The following TRAF3 variants were observed in gnomAD, a reference collection of about 807,000 sequenced individuals.
TRAF3 encodes TNF receptor associated factor 3, also known as TNF receptor-associated factor 3.
Under a neutral mutation model 62.3 loss-of-function variants are expected in TRAF3, and 13 were observed. The observed-to-expected ratio is 0.21, with a 90% CI of 0.14 to 0.33. TRAF3 has a LOEUF of 0.33. Among genes scored for constraint, TRAF3 ranks in the 10% least tolerant of loss-of-function variants. The pLI is 1.00. For missense variants in TRAF3, 440 were observed against 741.8 expected (o/e 0.59, Z 4.73); for synonymous variants, 269 against 283.4 (o/e 0.95, Z 0.51).
intron 10 of TRAF3, among the ~76,000 whole-genome samples, chr14:102,902,114 C>T (rs1890334107): frequency 6.6e-6 from 1 of 152,252 alleles, no homozygotes; most frequent in South Asian, 2.1e-4. Flanking sequence ...ATATGAGCAG[C>T]CTGTGTGTTT....
intron 4 of TRAF3, among the ~76,000 whole-genome samples, chr14:102,872,440 C>T (rs1697654461): frequency 6.6e-6 from 1 of 152,220 alleles, no homozygotes; most frequent in Admixed American, 6.5e-5. Context: ...CCCAGGCCCC[C>T]TGTGATATCT....
intron 2 of TRAF3, among the ~76,000 whole-genome samples, chr14:102,854,945 A>T (rs1261183030): frequency 6.6e-6 from 1 of 151,872 alleles, no homozygotes; most frequent in Non-Finnish European, 1.5e-5. Context: ...GTTCCAACAC[A>T]TTTTTTTCGT....
chr14:102,905,221 G>C lies in TRAF3; in HGVS notation c.1144G>C (p.Glu382Gln). ...GQVARNTGLLESQLSRHDQML... is the reference protein window; with the variant it reads ...GQVARNTGLLQSQLSRHDQML... The stretch of plus-strand genomic sequence containing the variant: ...CTCCTCACCTGTGGCAGGCCTGCTG[G>C]AGTCCCAGCTGAGCCGGCATGACCA... Residue 382 changes from glutamate (E) to glutamine (Q), a missense_variant, in exon 12 of 12, where the codon GAG becomes CAG. Glu to Gln is a conservative substitution (Grantham distance 29). This residue lies in a region of TRAF3 where 41 missense variants were observed against 40.0 expected (regional missense o/e 1.03). Coordinates refer to ENST00000392745, the MANE Select transcript of TRAF3 (RefSeq NM_145725.3). The C allele has an allele frequency of 6.2e-7, 1 of 1,613,560 alleles. No homozygotes were observed. The highest frequency in any genetic ancestry group is 1.1e-5 in the South Asian group (1 of 91,076).
At chr14:102,809,723 G>A (rs1899009251) in intron 1 of TRAF3, among the ~76,000 whole-genome samples, 1 of 151,186 alleles carries the variant, frequency 6.6e-6, no homozygotes, top group Non-Finnish European at 1.5e-5. Context: ...GTAGAGATGG[G>A]GTTTCACCAT....
chr14:102,799,314 C>T (rs907531647), intron 1 of TRAF3, among the ~76,000 whole-genome samples: 2 of 152,180 alleles, frequency 1.3e-5, no homozygotes, highest in African/African-American at 4.8e-5. Context: ...ATGTTCTTTT[C>T]CATCTTAGCA....
intron 9 of TRAF3, among the ~76,000 whole-genome samples, chr14:102,896,931 A>G (rs1003126075): frequency 6.6e-6 from 1 of 152,130 alleles, no homozygotes; most frequent in South Asian, 2.1e-4. Context: ...CTAACCAGAC[A>G]TGGTGGTGGC....
chr14:102,838,580 T>A (rs1343127833), intron 2 of TRAF3, among the ~76,000 whole-genome samples: 1 of 152,192 alleles, frequency 6.6e-6, no homozygotes, highest in Non-Finnish European at 1.5e-5. Context: ...AGTCTAGTGA[T>A]AAATAGTAGT....
At chr14:102,824,181 TACAG>T (rs1387419076) in intron 1 of TRAF3, among the ~76,000 whole-genome samples, 1 of 152,230 alleles carries the variant, frequency 6.6e-6, no homozygotes, top group Non-Finnish European at 1.5e-5. Flanking sequence ...TTTATGTTTG[TACAG>T]ACAGTTTGCT....
intron 2 of TRAF3, among the ~76,000 whole-genome samples, chr14:102,856,262 G>C (rs1887363393): frequency 1.3e-5 from 2 of 152,142 alleles, no homozygotes; most frequent in Admixed American, 1.3e-4. Context: ...TTGCCACTCA[G>C]CTGCTTATAC....
At chr14:102,820,548 T>C (rs2139572668) in intron 1 of TRAF3, among the ~76,000 whole-genome samples, 1 of 136,962 alleles carries the variant, frequency 7.3e-6, no homozygotes, top group African/African-American at 2.7e-5. Context: ...TTTAAAAATT[T>C]ATTTGCTTTC....
chr14:102,804,949 T>A (rs1193164455), intron 1 of TRAF3, among the ~76,000 whole-genome samples: 3 of 152,222 alleles, frequency 2.0e-5, no homozygotes, highest in Non-Finnish European at 4.4e-5. Flanking sequence ...ATGCCAGTGG[T>A]TCTTGTCTAT....
At chr14:102,805,928 A>G (rs560386452) in intron 1 of TRAF3, among the ~76,000 whole-genome samples, 2 of 149,902 alleles carry the variant, frequency 1.3e-5, no homozygotes, top group South Asian at 4.2e-4. Context: ...AAACTTAACT[A>G]AATTTGATTC....
chr14:102,904,244 G>C (rs1385364818), intron 11 of TRAF3, among the ~76,000 whole-genome samples: 3 of 152,250 alleles, frequency 2.0e-5, no homozygotes, highest in Non-Finnish European at 4.4e-5. Flanking sequence ...GACAGACAGG[G>C]CTGTGGGCAT....
chr14:102,905,277 C>A lies in TRAF3; in HGVS notation c.1200C>A (p.Ala400=), dbSNP rs370697221. The A allele has an allele frequency of 5.6e-6, 9 of 1,614,080 alleles. No individual in the cohort carries two copies. The highest frequency in any genetic ancestry group is 1.7e-5 in the Admixed American group (1 of 60,006). ...TGAGTGTGCACGACATCCGCCTAGC[C>A]GACATGGACCTGCGCTTCCAGGTCC... The part of the protein sequence containing the change: ...QMLSVHDIRL[A]DMDLRFQVLE... The change falls in exon 12 of 12, where the codon GCC becomes GCA. Residue 400 remains alanine (A), a synonymous_variant. Transcript: ENST00000392745.
rs1341386139 is a variant in TRAF3, at chr14:102,842,016, G to T, written c.-18+11544G>T. On this transcript the variant is annotated intron_variant, in intron 2 of 11. Transcript: ENST00000392745. ...TCCCAATTCTTTGGGAGGCTGAGGTGGGCAGATCATTTGAGGTCTGGAGTT... is the reference window on the plus strand; with the variant it reads ...TCCCAATTCTTTGGGAGGCTGAGGTTGGCAGATCATTTGAGGTCTGGAGTT... Among the ~76,000 whole-genome samples, 3 of 152,100 alleles carry T rather than the reference G, an allele frequency of 2.0e-5. No homozygotes were observed. The East Asian group carries it at 5.8e-4, about 29-fold the overall frequency.
chr14:102,867,047 A>G (rs1221030269), intron 2 of TRAF3, among the ~76,000 whole-genome samples: 1 of 152,186 alleles, frequency 6.6e-6, no homozygotes, highest in Non-Finnish European at 1.5e-5. Flanking sequence ...TGATAACTGT[A>G]AGTGTTGGTG....
intron 6 of TRAF3, among the ~76,000 whole-genome samples, chr14:102,880,889 C>T (rs1435615213): frequency 6.6e-6 from 1 of 151,990 alleles, no homozygotes; most frequent in Non-Finnish European, 1.5e-5. Flanking sequence ...ACCAGCCTGA[C>T]GAAAATGGAG....
At chr14:102,838,960 T>A (rs979039604) in intron 2 of TRAF3, among the ~76,000 whole-genome samples, 1 of 152,214 alleles carries the variant, frequency 6.6e-6, no homozygotes, top group African/African-American at 2.4e-5. Context: ...ACCTTTTTTG[T>A]CGGTACTTTT....
intron 1 of TRAF3, among the ~76,000 whole-genome samples, chr14:102,795,555 TAC>T (rs1017589365): frequency 6.8e-6 from 1 of 147,806 alleles, no homozygotes; most frequent in African/African-American, 2.4e-5. Context: ...GTTATATATA[TAC>T]ACACACATAT....
Sources: gnomAD v4.1 joint callset for allele counts (sites outside exome capture counted in the v4.1 genomes callset) on GRCh38, gnomAD v4.1.1 for gene constraint, gnomAD v4.1.1 regional missense constraint, MANE v1.5 for transcripts, NCBI Gene and HGNC (gene_info 2026-07-23, HGNC 2026-07-21) for gene names.